Variants in ADAM17 observed in about 807,000 individuals in gnomAD.
ADAM17 encodes ADAM metallopeptidase domain 17.
Under a neutral mutation model 96.7 loss-of-function variants are expected in ADAM17, and 39 were observed. That is an observed-to-expected ratio of 0.40 (90% CI 0.31 to 0.53). The LOEUF (loss-of-function observed/expected upper bound fraction) is 0.53, where lower values mean the gene tolerates loss of function less well. ADAM17 is among the 20% of genes least tolerant of loss of function. The pLI is 0.44. For synonymous variants in ADAM17, 344 were observed against 359.2 expected (o/e 0.96, Z 0.48); for missense variants, 777 against 1,013.2 (o/e 0.77, Z 3.17).
intron 10 of ADAM17, among the ~76,000 whole-genome samples, chr2:9,517,210 T>C (rs1664099782): frequency 6.6e-6 from 1 of 152,176 alleles, no homozygotes; most frequent in Non-Finnish European, 1.5e-5. Flanking sequence ...TTTAAACCAC[T>C]GCTTATTTAA....
At chr2:9,511,397 C>T (rs985749221) in intron 10 of ADAM17, among the ~76,000 whole-genome samples, 12 of 151,964 alleles carry the variant, frequency 7.9e-5, no homozygotes, top group Admixed American at 2.0e-4. Flanking sequence ...TTGCAGTGAG[C>T]TGAGATCATG....
intron 10 of ADAM17, among the ~76,000 whole-genome samples, chr2:9,512,096 A>G (rs1663774817): frequency 6.6e-6 from 1 of 152,068 alleles, no homozygotes; most frequent in Non-Finnish European, 1.5e-5. Flanking sequence ...TTTGCAAGTC[A>G]TTTTTCTATA....
intron 1 of ADAM17, among the ~76,000 whole-genome samples, chr2:9,547,479 A>G (rs555466276): frequency 1.4e-4 from 22 of 152,344 alleles, no homozygotes; most frequent in African/African-American, 5.0e-4. Flanking sequence ...TTTCCCAGGG[A>G]AACGGTTTTG....
In ADAM17 at chr2:9,490,497, T is replaced by G; in HGVS notation, c.2155A>C (p.Met719Leu). 1 of 1,613,410 alleles carries G rather than the reference T, an allele frequency of 6.2e-7. No homozygotes were observed. Among genetic ancestry groups the G allele is most frequent in the Non-Finnish European group, 8.5e-7 (1 of 1,179,468 alleles). ...HPSNVEMLSS[M>L]DSASVRIIKP... ...ATAATGCGAACCGATGCAGAATCCA[T>G]GCTGCTCAGCATTTCGACGTTCTGC... The change falls in exon 19 of 19, where the codon ATG becomes CTG. Residue 719 changes from methionine to leucine, a missense_variant. Physicochemically the swap from Met to Leu is conservative, Grantham distance 15. This residue lies in a region of ADAM17 where 197 missense variants were observed against 219.4 expected (regional missense o/e 0.90). Transcript: ENST00000310823.
intron 10 of ADAM17, among the ~76,000 whole-genome samples, chr2:9,511,979 T>TAAATA (rs1553361976): frequency 2.9e-4 from 43 of 147,364 alleles, no homozygotes; most frequent in African/African-American, 7.9e-4. Flanking sequence ...TTAAAATAAA[T>TAAATA]AAATAAAATA....
rs560591212 is a variant in ADAM17 at position 9,489,654 on chromosome 2, A to G, written c.*523T>C. 3 of 151,404 alleles carry G rather than the reference A, an allele frequency of 2.0e-5. No homozygotes were observed. The highest frequency in any genetic ancestry group is 4.2e-4 in the South Asian group (2 of 4,750). 9.4% of individuals were successfully genotyped at this position (151,404 alleles called of 1,614,324 possible). On this transcript the variant is annotated 3_prime_UTR_variant, in exon 19 of 19. Transcript: ENST00000310823. ...CCCTGCTACATAAAAACTCTGGGTA[A>G]TAACTAGAAATAGACCCACAATTTA...
intron 16 of ADAM17, among the ~76,000 whole-genome samples, chr2:9,493,445 G>A (rs1662319632): frequency 6.6e-6 from 1 of 152,146 alleles, no homozygotes; most frequent in South Asian, 2.1e-4. Flanking sequence ...CATCAATCAG[G>A]ATTCAGTCTA....
intron 13 of ADAM17, among the ~76,000 whole-genome samples, chr2:9,497,712 G>A (rs1055369031): frequency 1.3e-5 from 2 of 152,052 alleles, no homozygotes; most frequent in African/African-American, 4.8e-5. Flanking sequence ...CTTCTACCTG[G>A]AATGCTGGTG....
At chr2:9,491,219 C>T (rs1662116846) in intron 17 of ADAM17, 68 bp from the exon 18 acceptor site, 5 of 1,404,566 alleles carry the variant, frequency 3.6e-6, no homozygotes, top group Non-Finnish European at 5.0e-6. Context: ...TATTTCATCA[C>T]AGGCTATTCC....
intron 12 of ADAM17, 118 bp from the exon 13 acceptor site, chr2:9,502,394 T>C: frequency 1.3e-6 from 1 of 787,620 alleles, no homozygotes. Context: ...CCTGGCTCCG[T>C]CACCCACTCC....
In ADAM17 at chr2:9,543,221, C is replaced by T. The variant is rs762599369; in HGVS notation, c.162G>A (p.Ser54=). 1.3e-5 allele frequency: 21 copies of T among 1,608,732 alleles called. No individual in the cohort carries two copies. Among genetic ancestry groups the T allele is most frequent in the East Asian group, 2.2e-5 (1 of 44,642 alleles). ...AAGTCTGTAGATCTCTTTTTCTTAC[C>T]GAATGCTGCTGGATATTAGATAAAG... ...ILSLSNIQQH[S]VRKRDLQTST... Residue 54 remains serine, a synonymous_variant, in exon 2 of 19, where the codon TCG becomes TCA. Coordinates refer to ENST00000310823, the MANE Select transcript of ADAM17 (RefSeq NM_003183.6).
intron 2 of ADAM17, among the ~76,000 whole-genome samples, chr2:9,537,605 G>A (rs1235701929): frequency 1.3e-5 from 2 of 151,754 alleles, no homozygotes; most frequent in Non-Finnish European, 2.9e-5. Context: ...GGTGGCGGGT[G>A]CCTATAGTCC....
intron 8 of ADAM17, 57 bp from the exon 9 acceptor site, chr2:9,518,304 A>G (rs1558512065): frequency 2.7e-6 from 4 of 1,466,890 alleles, no homozygotes; most frequent in South Asian, 3.0e-5. Flanking sequence ...TAACAATTAC[A>G]TCAGACTAAA....
At position 9,489,745 on chromosome 2, in the gene ADAM17, A is replaced by AAAAAC. The variant is rs1558488599; in HGVS notation, c.*427_*431dup. On this transcript the variant is annotated 3_prime_UTR_variant, in exon 19 of 19. Transcript: ENST00000310823. ...GAAGGCAAAAAAAAAAAAAAAAAAA[A>AAAAAC]AAAACTATTCCAGTTGTCATCACAA... The AAAAAC allele has an allele frequency of 1.3e-5, 2 of 148,238 alleles. No individual in the cohort carries two copies. The highest frequency in any genetic ancestry group is 2.2e-4 in the South Asian group (1 of 4,616). 9.2% of individuals were successfully genotyped at this position (148,238 alleles called of 1,614,324 possible). A position where few individuals can be genotyped will look rare whatever the true frequency, so the allele number is the denominator to read the frequency against.
At chr2:9,548,449 C>T (rs982339038) in intron 1 of ADAM17, among the ~76,000 whole-genome samples, 1 of 150,366 alleles carries the variant, frequency 6.7e-6, no homozygotes, top group South Asian at 2.1e-4. Context: ...GTAGAAACCA[C>T]TAAAAGACTC....
rs34525911 is a variant in ADAM17 at position 9,489,259 on chromosome 2, A to ATTTTTTTTTT, written c.*908_*917dup. 2.5e-4 allele frequency: 22 copies of ATTTTTTTTTT among 87,396 alleles called. 1 individual carries two copies. The highest frequency in any genetic ancestry group is 1.4e-3 in the African/African-American group (22 of 15,526). The allele number at this position is 87,396 out of a possible 1,614,324, so 5.4% of individuals were successfully genotyped here. ...AATATTCTAGGTTTGTAGATAGTGAATTTTTTTTTTTTTTTTTTTTTTTTG... is the reference window on the plus strand; with the variant it reads ...AATATTCTAGGTTTGTAGATAGTGAATTTTTTTTTTTTTTTTTTTTTTTTTTTTTTTTTTG... On this transcript the variant is annotated 3_prime_UTR_variant, in exon 19 of 19. Transcript: ENST00000310823.
intron 11 of ADAM17, among the ~76,000 whole-genome samples, chr2:9,506,613 C>T (rs563334583): frequency 1.3e-5 from 2 of 152,130 alleles, no homozygotes; most frequent in South Asian, 2.1e-4. Flanking sequence ...GATCTGCCCA[C>T]CTCGGTCTCC....
At chr2:9,517,158 T>C (rs1317957365) in intron 10 of ADAM17, among the ~76,000 whole-genome samples, 3 of 152,220 alleles carry the variant, frequency 2.0e-5, no homozygotes, top group Admixed American at 1.3e-4. Context: ...CAGAAAATGC[T>C]ATCCCTGAAC....
At chr2:9,551,812 G>A (rs1011100493) in intron 1 of ADAM17, among the ~76,000 whole-genome samples, 3 of 152,114 alleles carry the variant, frequency 2.0e-5, no homozygotes, top group East Asian at 1.9e-4. Flanking sequence ...TGTGTACAAC[G>A]AAGCATTCGA....
Sources: gnomAD v4.1 joint callset for allele counts (sites outside exome capture counted in the v4.1 genomes callset) on GRCh38, gnomAD v4.1.1 for gene constraint, gnomAD v4.1.1 regional missense constraint, MANE v1.5 for transcripts, NCBI Gene and HGNC (gene_info 2026-07-23, HGNC 2026-07-21) for gene names.